Variants in GRIA3 observed in about 807,000 individuals in gnomAD.
The protein encoded by GRIA3 is glutamate receptor 3.
GRIA3 carries 3 observed loss-of-function variants against 63.0 expected under a neutral mutation model. The ratio of observed to expected loss-of-function variants is 0.05; its 90% CI spans 0.02 to 0.12. GRIA3 has a LOEUF of 0.12. Among genes scored for constraint, GRIA3 ranks in the 10% least tolerant of loss-of-function variants. The probability of loss-of-function intolerance (pLI) is 1.00; values close to 1 mark genes in which losing one functional copy is unlikely to be tolerated. For missense variants in GRIA3, 347 were observed against 700.9 expected, an observed-to-expected ratio of 0.50 and a Z score of 5.70; for synonymous variants, 274 against 257.9, an observed-to-expected ratio of 1.06 and a Z score of -0.60.
intron 3 of GRIA3, among the ~76,000 whole-genome samples, chrX:123,320,555 C>A (rs2044861281): frequency 9.0e-6 from 1 of 111,073 alleles, no homozygotes; most frequent in Non-Finnish European, 1.9e-5. Flanking sequence ...ACTGGGGAGA[C>A]AGGGAAGCGA....
At chrX:123,393,649 C>G (rs1056124881) in intron 5 of GRIA3, among the ~76,000 whole-genome samples, 1 of 111,954 alleles carries the variant, frequency 8.9e-6, no homozygotes, top group Non-Finnish European at 1.9e-5. Context: ...AAATGAACCC[C>G]AAAGTGAAAT....
Position 123,481,408 on chromosome X carries a change from AT to A in GRIA3, c.2439+1233del, listed in dbSNP as rs751536504. Among the ~76,000 whole-genome samples, 11 of 112,482 alleles carry A rather than the reference AT, an allele frequency of 9.8e-5. No individual in the cohort carries two copies. The South Asian group carries it at 4.1e-3, about 42-fold the overall frequency. On this transcript the variant is annotated intron_variant, in intron 14 of 15. Coordinates refer to ENST00000620443, the MANE Select transcript of GRIA3 (RefSeq NM_007325.5). ...TTCCCACACCCCGTTTCTGAATGCA[AT>A]TCAATTTCAATTGGACCTTTTATTA...
At chrX:123,294,171 C>T (rs757640737) in intron 3 of GRIA3, among the ~76,000 whole-genome samples, 31 of 110,574 alleles carry the variant, frequency 2.8e-4, no homozygotes, top group Middle Eastern at 4.6e-3. Flanking sequence ...TTATTATTAT[C>T]CCTATTTTGA....
At position 123,490,594 on chromosome X, in the gene GRIA3, C is replaced by T. The variant is rs1031384366; in HGVS notation, c.*1884C>T. 1 of 111,918 alleles carries T rather than the reference C, an allele frequency of 8.9e-6. No homozygotes were observed. The highest frequency in any genetic ancestry group is 3.3e-5 in the African/African-American group (1 of 30,637). 9.2% of individuals were successfully genotyped at this position (111,918 alleles called of 1,213,427 possible). ...TCAAATCAGTTTTTCAGAGAGGAAA[C>T]GTCACTGAGATGAAGAGGCGGGTAA... On this transcript the variant is annotated 3_prime_UTR_variant, in exon 16 of 16. Coordinates refer to ENST00000620443, the MANE Select transcript of GRIA3 (RefSeq NM_007325.5).
rs1331174962 is a variant in GRIA3 at position 123,273,169 on chromosome X, G to A, written c.508+19627G>A. On this transcript the variant is annotated intron_variant, in intron 3 of 15. Transcript: ENST00000620443. ...CCCTTCGTCCCCACCACATAAGCCC[G>A]ATGGCAGCACCCACCACTGATATTC... is the stretch of plus-strand genomic sequence containing the variant. Among the ~76,000 whole-genome samples, 3 of 111,411 alleles carry A rather than the reference G, an allele frequency of 2.7e-5. No homozygotes were observed. The Admixed American group carries it at 2.9e-4, about 11-fold the overall frequency.
chrX:123,410,739 G>A (rs1172063035), intron 10 of GRIA3, among the ~76,000 whole-genome samples: 2 of 111,712 alleles, frequency 1.8e-5, no homozygotes, highest in Non-Finnish European at 3.8e-5. Context: ...TTCAAATGAT[G>A]CATGTAACCT....
At chrX:123,259,307 T>C (rs1569409280) in intron 3 of GRIA3, among the ~76,000 whole-genome samples, 1 of 111,661 alleles carries the variant, frequency 9.0e-6, no homozygotes, top group East Asian at 2.8e-4. Flanking sequence ...GCCTCACACT[T>C]TTCTGCATGT....
At chrX:123,482,117 G>A (rs1396707131) in intron 14 of GRIA3, among the ~76,000 whole-genome samples, 1 of 112,032 alleles carries the variant, frequency 8.9e-6, no homozygotes, top group Non-Finnish European at 1.9e-5. Flanking sequence ...CCTTGTTCCA[G>A]CAACACAAAG....
chrX:123,435,602 T>C (rs1403592082), intron 12 of GRIA3, among the ~76,000 whole-genome samples: 3 of 112,021 alleles, frequency 2.7e-5, no homozygotes, highest in African/African-American at 9.7e-5. Context: ...AGGAAATCTA[T>C]GCCTACTTTT....
intron 4 of GRIA3, 32 bp from the exon 5 acceptor site, chrX:123,354,878 T>C: frequency 5.4e-6 from 6 of 1,103,359 alleles, no homozygotes; most frequent in Non-Finnish European, 7.5e-6. Context: ...CCTTCTTGAA[T>C]AAGCAATATG....
intron 3 of GRIA3, among the ~76,000 whole-genome samples, chrX:123,300,378 T>C (rs1169237627): frequency 5.3e-5 from 5 of 94,551 alleles, no homozygotes; most frequent in Non-Finnish European, 8.5e-5. Flanking sequence ...TTTTTTTTTT[T>C]TTTTTTTTTG....
Position 123,465,063 on chromosome X carries a change from C to T in GRIA3, c.2275C>T (p.Leu759=). 1 of 1,209,039 alleles carries T rather than the reference C, an allele frequency of 8.3e-7. No individual in the cohort carries two copies. The highest frequency in any genetic ancestry group is 1.1e-6 in the Non-Finnish European group (1 of 893,228). The change falls in exon 13 of 16, where the codon CTG becomes TTG. Residue 759 remains leucine, a synonymous_variant. Transcript: ENST00000620443. ...PCDTMKVGGN[L]DSKGYGVATP... ...TGATACGATGAAAGTTGGTGGAAAT[C>T]TGGATTCCAAAGGCTATGGTGTGGC... is the stretch of plus-strand genomic sequence containing the variant.
chrX:123,419,389 A>G (rs1338836896), intron 11 of GRIA3, among the ~76,000 whole-genome samples: 1 of 100,949 alleles, frequency 9.9e-6, no homozygotes, highest in Non-Finnish European at 2.0e-5. Context: ...AGCCTGGGCA[A>G]CAAGAGCAAA....
chrX:123,297,474 G>A (rs1171160934), intron 3 of GRIA3, among the ~76,000 whole-genome samples: 2 of 112,121 alleles, frequency 1.8e-5, no homozygotes, highest in African/African-American at 3.2e-5. Flanking sequence ...TATTGGAAAT[G>A]GAATAATTTA....
Position 123,253,447 on chromosome X carries a change from T to C in GRIA3, c.413T>C (p.Val138Ala). 8.3e-7 allele frequency: 1 copy of C among 1,210,766 alleles called. No individual in the cohort carries two copies. Residue 138 changes from valine to alanine, a missense_variant, in exon 3 of 16, where the codon GTC becomes GCC. By Grantham distance (64) the Val-to-Ala change is moderately conservative (BLOSUM62 0). Transcript: ENST00000620443. The stretch of plus-strand genomic sequence containing the variant: ...CCCACTGACGCAGATGTGCAGTTTG[T>C]CATCCAGATGCGCCCAGCCTTGAAG... The part of the protein sequence containing the change: ...SFPTDADVQF[V>A]IQMRPALKGA...
At chrX:123,315,108 G>A (rs913484336) in intron 3 of GRIA3, among the ~76,000 whole-genome samples, 2 of 111,664 alleles carry the variant, frequency 1.8e-5, no homozygotes, top group Non-Finnish European at 3.8e-5. Flanking sequence ...TCTGTTCAAT[G>A]ATTCCACAAA....
intron 12 of GRIA3, among the ~76,000 whole-genome samples, chrX:123,451,251 A>G (rs911168928): frequency 1.8e-5 from 2 of 110,430 alleles, no homozygotes; most frequent in Middle Eastern, 9.3e-3. Context: ...CAATAATTCC[A>G]GCACTTTGGG....
intron 5 of GRIA3, among the ~76,000 whole-genome samples, chrX:123,356,300 T>C (rs930371073): frequency 6.4e-5 from 7 of 109,635 alleles, no homozygotes; most frequent in African/African-American, 2.3e-4. Context: ...CTTTCCTTCT[T>C]TTCTTCCTTC....
intron 4 of GRIA3, among the ~76,000 whole-genome samples, chrX:123,328,053 A>G (rs936426063): frequency 2.7e-5 from 3 of 111,438 alleles, no homozygotes; most frequent in African/African-American, 9.8e-5. Flanking sequence ...GATATCTTAT[A>G]TTCTGTTAAA....
Sources: allele counts gnomAD v4.1 joint callset (sites outside exome capture counted in the v4.1 genomes callset), GRCh38; gene constraint gnomAD v4.1.1; transcripts MANE v1.5; gene names NCBI Gene and HGNC (gene_info 2026-07-23, HGNC 2026-07-21).